The following LRRIQ3 variants were observed in gnomAD, a reference collection of about 807,000 sequenced individuals.
LRRIQ3 encodes leucine rich repeats and IQ motif containing 3.
A neutral mutation model predicts 59.3 loss-of-function variants in LRRIQ3; 75 were observed. That is an observed-to-expected ratio of 1.26 (90% CI 1.05 to 1.53). The LOEUF (loss-of-function observed/expected upper bound fraction) is 1.53, where lower values mean the gene tolerates loss of function less well. Among genes scored for constraint, LRRIQ3 ranks in the 40% most tolerant of loss-of-function variants. The pLI, the probability that LRRIQ3 is intolerant of heterozygous loss-of-function variation, is 0.00. For synonymous variants in LRRIQ3, 250 were observed against 231.3 expected, an observed-to-expected ratio of 1.08 and a Z score of -0.73; for missense variants, 831 against 710.0, an observed-to-expected ratio of 1.17 and a Z score of -1.94.
chr1:74,071,212 A>C (rs1282298728), intron 6 of LRRIQ3, among the ~76,000 whole-genome samples: 1 of 151,962 alleles, frequency 6.6e-6, no homozygotes, highest in African/African-American at 2.4e-5. Context: ...TCGCTGTGTC[A>C]CTCAGGCTAA....
intron 6 of LRRIQ3, among the ~76,000 whole-genome samples, chr1:74,048,990 G>A (rs548063591): frequency 6.6e-6 from 1 of 152,258 alleles, no homozygotes; most frequent in East Asian, 1.9e-4. Context: ...GGCAGTGAGA[G>A]GGTCTAGTAA....
chr1:74,039,204 G>C (rs995773639), intron 7 of LRRIQ3, among the ~76,000 whole-genome samples: 5 of 152,052 alleles, frequency 3.3e-5, no homozygotes, highest in African/African-American at 1.2e-4. Flanking sequence ...CAGGTGAATC[G>C]ACCAAGTAGA....
At chr1:74,078,659 T>C (rs1048297696) in intron 5 of LRRIQ3, 1 of 151,886 alleles carries the variant, frequency 6.6e-6, no homozygotes, top group East Asian at 1.9e-4. Context: ...TTTTACCATA[T>C]TCACTTCTGA....
chr1:74,057,155 T>C (rs1229559099), intron 6 of LRRIQ3, among the ~76,000 whole-genome samples: 1 of 152,138 alleles, frequency 6.6e-6, no homozygotes. Context: ...CTACCCAAAG[T>C]GGTCTACAGA....
intron 3 of LRRIQ3, chr1:74,180,699 G>A: frequency 6.5e-7 from 1 of 1,548,032 alleles, no homozygotes; most frequent in East Asian, 2.4e-5. Flanking sequence ...CAGACTTGTT[G>A]AAATCCCACC....
chr1:74,097,240 T>C (rs1421456132), intron 5 of LRRIQ3, among the ~76,000 whole-genome samples: 2 of 152,080 alleles, frequency 1.3e-5, no homozygotes, highest in Non-Finnish European at 2.9e-5. Flanking sequence ...CTGAAAACCA[T>C]GGCATGAGAA....
At chr1:74,142,525 A>G (rs1417699438) in intron 4 of LRRIQ3, among the ~76,000 whole-genome samples, 3 of 151,980 alleles carry the variant, frequency 2.0e-5, no homozygotes, top group African/African-American at 7.2e-5. Flanking sequence ...CCATTCTTCG[A>G]GTAGGTAGCC....
intron 4 of LRRIQ3, among the ~76,000 whole-genome samples, chr1:74,140,142 A>G (rs539503102): frequency 6.6e-6 from 1 of 152,036 alleles, no homozygotes; most frequent in South Asian, 2.1e-4. Flanking sequence ...AAATTGTCAG[A>G]CTGGGTTTAA....
At chr1:74,195,223 T>C (rs1039309806) in intron 1 of LRRIQ3, among the ~76,000 whole-genome samples, 1 of 152,152 alleles carries the variant, frequency 6.6e-6, no homozygotes, top group Non-Finnish European at 1.5e-5. Flanking sequence ...TCGTTGCATG[T>C]CAGGAAGGGT....
At chr1:74,194,948 T>C (rs1351533882) in intron 1 of LRRIQ3, among the ~76,000 whole-genome samples, 1 of 152,070 alleles carries the variant, frequency 6.6e-6, no homozygotes, top group Non-Finnish European at 1.5e-5. Context: ...CGAAACCTCA[T>C]CCTGGTATTT....
chr1:74,191,153 A>G (rs1165262411), intron 1 of LRRIQ3, among the ~76,000 whole-genome samples: 2 of 152,170 alleles, frequency 1.3e-5, no homozygotes, highest in East Asian at 1.9e-4. Context: ...TAACAATTCG[A>G]GATAAAATAT....
chr1:74,178,623 G>A (rs1467070470), intron 3 of LRRIQ3, among the ~76,000 whole-genome samples: 1 of 152,088 alleles, frequency 6.6e-6, no homozygotes, highest in African/African-American at 2.4e-5. Flanking sequence ...CTGTGTGACA[G>A]AAATATTAGT....
intron 5 of LRRIQ3, among the ~76,000 whole-genome samples, chr1:74,107,347 T>G (rs1646629111): frequency 6.6e-6 from 1 of 151,772 alleles, no homozygotes; most frequent in Admixed American, 6.6e-5. Flanking sequence ...CTTTCAGTAT[T>G]AAATGTTCAT....
chr1:74,054,764 A>ATATATATATATATC (rs1282233588), intron 6 of LRRIQ3, among the ~76,000 whole-genome samples: 2 of 147,770 alleles, frequency 1.4e-5, no homozygotes, highest in African/African-American at 2.5e-5. Context: ...ATATCTATAT[A>ATATATATATATATC]TCTACATACA....
At chr1:74,076,313 G>A (rs984729140) in intron 5 of LRRIQ3, among the ~76,000 whole-genome samples, 2 of 151,940 alleles carry the variant, frequency 1.3e-5, no homozygotes, top group Admixed American at 6.6e-5. Context: ...TTTACATAGC[G>A]CTTATCATTT....
intron 6 of LRRIQ3, among the ~76,000 whole-genome samples, chr1:74,066,665 G>T (rs1654875476): frequency 6.6e-6 from 1 of 152,032 alleles, no homozygotes; most frequent in South Asian, 2.1e-4. Context: ...GCCTACTTAT[G>T]AAATATATGT....
At chr1:74,118,701 T>C (rs11807021) in intron 4 of LRRIQ3, among the ~76,000 whole-genome samples, 1 of 151,900 alleles carries the variant, frequency 6.6e-6, no homozygotes, top group Non-Finnish European at 1.5e-5. Flanking sequence ...GATATATATA[T>C]AGAGAGAGAG....
At chr1:74,139,036 C>T (rs1284801614) in intron 4 of LRRIQ3, among the ~76,000 whole-genome samples, 1 of 149,786 alleles carries the variant, frequency 6.7e-6, no homozygotes, top group Non-Finnish European at 1.5e-5. Context: ...AAAACACAAA[C>T]ACAAAAAATG....
At chr1:74,161,203 C>T (rs554494910) in intron 3 of LRRIQ3, among the ~76,000 whole-genome samples, 35 of 151,968 alleles carry the variant, frequency 2.3e-4, no homozygotes, top group Admixed American at 7.9e-4. Context: ...ACAAAGAACA[C>T]GAATCCTATT....
Sources: gnomAD v4.1 joint callset for allele counts (sites outside exome capture counted in the v4.1 genomes callset) on GRCh38, gnomAD v4.1.1 for gene constraint, MANE v1.5 for transcripts, NCBI Gene and HGNC (gene_info 2026-07-23, HGNC 2026-07-21) for gene names.